CNTNAP3B: variants seen among roughly 807,000 people sequenced by gnomAD.
The protein encoded by CNTNAP3B is contactin-associated protein-like 3B.
In CNTNAP3B, 25 loss-of-function variants were observed where a neutral mutation model predicts 108.9. The ratio of observed to expected loss-of-function variants is 0.23; its 90% CI spans 0.17 to 0.32. The LOEUF (loss-of-function observed/expected upper bound fraction) is 0.32. Among genes scored for constraint, CNTNAP3B ranks in the 10% least tolerant of loss-of-function variants. The pLI is 1.00. For synonymous variants in CNTNAP3B, 103 were observed against 473.4 expected, an observed-to-expected ratio of 0.22 and a Z score of 10.16; for missense variants, 252 against 1,210.4, an observed-to-expected ratio of 0.21 and a Z score of 11.75.
rs75873361 is a variant in CNTNAP3B at position 41,915,753 on chromosome 9, T to C, written c.2995+4317A>G. Among the ~76,000 whole-genome samples the C allele has an allele frequency of 5.3e-3, 757 of 143,286 alleles. 10 individuals carry two copies. The highest frequency in any genetic ancestry group is 0.014 in the Middle Eastern group (4 of 280). 94.0% of individuals were successfully genotyped at this position (143,286 alleles called of 152,430 possible). Reference sequence around the variant, plus strand: ...CAATTAAGATAATCATGTTTTTTTTTCCCCTCTCATTCTATTAATCTTGTG... The same window carrying C: ...CAATTAAGATAATCATGTTTTTTTTCCCCCTCTCATTCTATTAATCTTGTG... On this transcript the variant is annotated intron_variant, in intron 18 of 23. Transcript: ENST00000377561.
intron 3 of CNTNAP3B, among the ~76,000 whole-genome samples, chr9:42,042,326 A>G (rs1215804882): frequency 1.6e-5 from 2 of 125,462 alleles, no homozygotes; most frequent in Non-Finnish European, 3.3e-5. Flanking sequence ...AGAGTTGTCA[A>G]TTTTCGCTCT....
intron 12 of CNTNAP3B, among the ~76,000 whole-genome samples, chr9:41,959,532 G>A (rs1441823390): frequency 2.2e-4 from 33 of 152,404 alleles, no homozygotes; most frequent in African/African-American, 7.2e-4. Context: ...TGTGACTTTG[G>A]TTGAGTCTTT....
rs1269460744 is a variant in CNTNAP3B at position 42,069,503 on chromosome 9, TG to T, written c.390+7365del. 1.8e-4 allele frequency among the ~76,000 whole-genome samples: 17 copies of T among 93,644 alleles called. No individual in the cohort carries two copies. In the East Asian group the frequency reaches 2.7e-3, roughly 15 times the overall value. 61.4% of individuals were successfully genotyped at this position (93,644 alleles called of 152,430 possible). On this transcript the variant is annotated intron_variant, in intron 3 of 23. Transcript: ENST00000377561. ...TTGTGAAGTTGGCAACACACCATGC[TG>T]ACCCTTAATTTGTGAAGAAGGCCCA...
intron 15 of CNTNAP3B, among the ~76,000 whole-genome samples, chr9:41,925,794 C>CTA (rs1823802017): frequency 6.6e-6 from 1 of 151,884 alleles, no homozygotes; most frequent in Non-Finnish European, 1.5e-5. Context: ...CCTTTTTCAG[C>CTA]TTTTTTTTTC....
rs1254139464 is a variant in CNTNAP3B, at chr9:41,924,783, A to C, written c.2366-690T>G. ...AAAACCCATCACAGGACTGCACATC[A>C]CATGTATTACTCAGGCCTCTTTAGT... On this transcript the variant is annotated intron_variant, in intron 15 of 23. Transcript: ENST00000377561. 7.9e-5 allele frequency among the ~76,000 whole-genome samples: 12 copies of C among 152,360 alleles called. No individual in the cohort carries two copies. The East Asian group carries it at 2.3e-3, about 29-fold the overall frequency.
chr9:42,096,963 C>A (rs1235232291), intron 2 of CNTNAP3B, among the ~76,000 whole-genome samples: 1 of 130,514 alleles, frequency 7.7e-6, no homozygotes, highest in East Asian at 2.3e-4. Context: ...GTTGCCCAGG[C>A]TGGTCTCCAA....
chr9:41,948,376 C>T (rs1324250814), intron 13 of CNTNAP3B, among the ~76,000 whole-genome samples: 1 of 152,228 alleles, frequency 6.6e-6, no homozygotes, highest in Non-Finnish European at 1.5e-5. Flanking sequence ...ACAGAGCCAC[C>T]CTGCCGGGCC....
In CNTNAP3B at chr9:42,110,352, A is replaced by C. The variant is rs374092594; in HGVS notation, c.86-5613T>G. 2.2e-5 allele frequency among the ~76,000 whole-genome samples: 3 copies of C among 137,196 alleles called. No individual in the cohort carries two copies. The East Asian group carries it at 6.6e-4, about 30-fold the overall frequency. The allele number at this position is 137,196 out of a possible 152,430, so 90.0% of individuals were successfully genotyped here. On this transcript the variant is annotated intron_variant, in intron 1 of 23. Transcript: ENST00000377561. ...TTGCTCCTCACTGTGAAAGGAGCTA[A>C]GCACTGTGTCGGCGGAACCTAAGGA...
At chr9:41,941,018 T>A (rs1195316942) in intron 13 of CNTNAP3B, among the ~76,000 whole-genome samples, 2 of 150,044 alleles carry the variant, frequency 1.3e-5, no homozygotes, top group Admixed American at 1.3e-4. Flanking sequence ...ATTTTTGAAA[T>A]GATATATGAT....
chr9:42,056,422 C>T (rs2118556990), intron 3 of CNTNAP3B, among the ~76,000 whole-genome samples: 1 of 138,826 alleles, frequency 7.2e-6, no homozygotes, highest in East Asian at 2.1e-4. Context: ...GCAATCTTGG[C>T]TCACTGCAAG....
intron 8 of CNTNAP3B, among the ~76,000 whole-genome samples, chr9:41,990,592 T>A (rs1178771349): frequency 2.3e-5 from 3 of 131,676 alleles, no homozygotes; most frequent in Non-Finnish European, 4.8e-5. Flanking sequence ...GAATCTTTTT[T>A]TGAGTATGAT....
At chr9:41,969,632 T>C (rs1383724834) in intron 10 of CNTNAP3B, among the ~76,000 whole-genome samples, 7 of 152,178 alleles carry the variant, frequency 4.6e-5, no homozygotes, top group Non-Finnish European at 7.3e-5. Context: ...TTTGTTTTTG[T>C]TTTGAGACCG....
chr9:41,925,353 G>T (rs1384561908), intron 15 of CNTNAP3B, among the ~76,000 whole-genome samples: 1 of 152,174 alleles, frequency 6.6e-6, no homozygotes, highest in African/African-American at 2.4e-5. Flanking sequence ...CAGCAGTTTG[G>T]GAGGCCAAGG....
chr9:41,960,328 A>T (rs1457714918), intron 12 of CNTNAP3B: 1 of 178,898 alleles, frequency 5.6e-6, no homozygotes, highest in African/African-American at 2.4e-5. Context: ...TATCTAAAGC[A>T]TGAGAAATAA....
rs559375653 is a variant in CNTNAP3B, at chr9:42,097,323, G to A, written c.196+7306C>T. Reference sequence around the variant, plus strand: ...GTTCCAATTTTCAAACATTCCTCCCGCACCGCCTGTTCAGTTGCCTGGGTA... The same window carrying A: ...GTTCCAATTTTCAAACATTCCTCCCACACCGCCTGTTCAGTTGCCTGGGTA... On this transcript the variant is annotated intron_variant, in intron 2 of 23. Transcript: ENST00000377561. Among the ~76,000 whole-genome samples, 11 of 139,844 alleles carry A rather than the reference G, an allele frequency of 7.9e-5. 3 individuals are homozygous for A. Among genetic ancestry groups the A allele is most frequent in the South Asian group, 2.3e-4 (1 of 4,386 alleles). 91.7% of individuals were successfully genotyped at this position (139,844 alleles called of 152,430 possible).
intron 7 of CNTNAP3B, chr9:41,994,085 T>C (rs1390559688): frequency 7.5e-6 from 1 of 133,698 alleles, no homozygotes; most frequent in Non-Finnish European, 1.6e-5. Flanking sequence ...TGAAAACCTG[T>C]GTCTATTGTC....
At chr9:42,056,257 A>G (rs1827065448) in intron 3 of CNTNAP3B, among the ~76,000 whole-genome samples, 1 of 137,270 alleles carries the variant, frequency 7.3e-6, no homozygotes, top group African/African-American at 2.8e-5. Context: ...TAAACTGAGT[A>G]GTACCTCACT....
intron 1 of CNTNAP3B, among the ~76,000 whole-genome samples, chr9:42,117,828 A>G (rs186897122): frequency 2.2e-5 from 3 of 138,862 alleles, no homozygotes; most frequent in Non-Finnish European, 3.1e-5. Context: ...GAAACAATAA[A>G]AAATGACAAA....
intron 18 of CNTNAP3B, among the ~76,000 whole-genome samples, chr9:41,919,649 G>A (rs1474098370): frequency 3.3e-5 from 5 of 152,270 alleles, no homozygotes; most frequent in Admixed American, 6.5e-5. Flanking sequence ...CAATGGGTAA[G>A]ACGATTGCTC....
Sources: allele counts gnomAD v4.1 joint callset (sites outside exome capture counted in the v4.1 genomes callset), GRCh38; gene constraint gnomAD v4.1.1; transcripts MANE v1.5; gene names NCBI Gene and HGNC (gene_info 2026-07-23, HGNC 2026-07-21).